The following EPB41L2 variants were observed in gnomAD, a reference collection of about 807,000 sequenced individuals.
The protein encoded by EPB41L2 is band 4.1-like protein 2.
A neutral mutation model predicts 113.0 loss-of-function variants in EPB41L2; 43 were observed. The observed-to-expected ratio is 0.38, with a 90% confidence interval of 0.30 to 0.49. The LOEUF (loss-of-function observed/expected upper bound fraction) is 0.49, where lower values mean the gene tolerates loss of function less well. Among genes scored for constraint, EPB41L2 ranks in the 20% least tolerant of loss-of-function variants. EPB41L2 has a pLI of 0.95. For synonymous variants in EPB41L2, 442 were observed against 436.7 expected (o/e 1.01, Z -0.15); for missense variants, 1,147 against 1,223.4 (o/e 0.94, Z 0.93).
intron 1 of EPB41L2, among the ~76,000 whole-genome samples, chr6:130,965,516 A>G (rs1160691120): frequency 6.6e-6 from 1 of 152,190 alleles, no homozygotes; most frequent in Non-Finnish European, 1.5e-5. Flanking sequence ...GCCCAATAAA[A>G]CAAGTCTGGT....
chr6:130,871,838 C>T (rs891114325), intron 14 of EPB41L2, among the ~76,000 whole-genome samples: 4 of 152,182 alleles, frequency 2.6e-5, no homozygotes, highest in African/African-American at 9.7e-5. Context: ...TTCTGAAACA[C>T]ACATTTCATT....
chr6:131,023,690 CAGA>C (rs2128742488), intron 1 of EPB41L2, among the ~76,000 whole-genome samples: 1 of 134,776 alleles, frequency 7.4e-6, no homozygotes, highest in Admixed American at 7.5e-5. Flanking sequence ...GTCTCAAAAA[CAGA>C]AGAAGAAAAA....
intron 1 of EPB41L2, among the ~76,000 whole-genome samples, chr6:130,975,132 G>C (rs1299371532): frequency 6.6e-6 from 1 of 152,080 alleles, no homozygotes; most frequent in African/African-American, 2.4e-5. Flanking sequence ...AAATACATTT[G>C]AGTACACAAA....
At chr6:131,061,869 G>A (rs1299837373) in intron 1 of EPB41L2, among the ~76,000 whole-genome samples, 1 of 152,116 alleles carries the variant, frequency 6.6e-6, no homozygotes, top group Non-Finnish European at 1.5e-5. Context: ...GGAAAACCGC[G>A]AAAGTCGTTT....
chr6:130,848,391 C>CAAAAAAT (rs2128404585), intron 19 of EPB41L2, among the ~76,000 whole-genome samples: 1 of 151,642 alleles, frequency 6.6e-6, no homozygotes, highest in East Asian at 1.9e-4. Flanking sequence ...AGCCACATTT[C>CAAAAAAT]AAAAAATAAA....
chr6:130,952,972 G>A (rs1283535932), intron 3 of EPB41L2, among the ~76,000 whole-genome samples: 3 of 149,864 alleles, frequency 2.0e-5, no homozygotes, highest in Non-Finnish European at 4.4e-5. Flanking sequence ...AAACCATAAA[G>A]TACGTTGGTC....
At chr6:130,842,418 ATG>A (rs1775803548) in intron 19 of EPB41L2, among the ~76,000 whole-genome samples, 4 of 152,210 alleles carry the variant, frequency 2.6e-5, no homozygotes, top group Non-Finnish European at 5.9e-5. Context: ...TGGCAGTTAT[ATG>A]ACACCTTCAG....
intron 15 of EPB41L2, chr6:130,867,937 GACACACACAC>G (rs58752395): frequency 5.6e-5 from 10 of 179,164 alleles, no homozygotes; most frequent in African/African-American, 1.3e-4. Context: ...AGTGTATAGT[GACACACACAC>G]ACACACACAC....
At chr6:130,948,477 T>C (rs1813695466) in intron 3 of EPB41L2, among the ~76,000 whole-genome samples, 1 of 152,114 alleles carries the variant, frequency 6.6e-6, no homozygotes, top group Non-Finnish European at 1.5e-5. Flanking sequence ...GTCTGTAATA[T>C]ACTTAATTTC....
intron 3 of EPB41L2, among the ~76,000 whole-genome samples, chr6:130,942,084 G>A (rs73618990): frequency 0.011 from 1,742 of 152,154 alleles, 41 homozygotes; most frequent in African/African-American, 0.04. Flanking sequence ...ATGTTATACC[G>A]CATTCAATCC....
chr6:130,848,744 C>G (rs928139977), intron 19 of EPB41L2, among the ~76,000 whole-genome samples: 20 of 152,166 alleles, frequency 1.3e-4, no homozygotes, highest in African/African-American at 4.6e-4. Flanking sequence ...CACACACATA[C>G]ACAAACTTGT....
intron 4 of EPB41L2, among the ~76,000 whole-genome samples, chr6:130,910,840 G>A (rs1032513629): frequency 6.6e-6 from 1 of 152,234 alleles, no homozygotes; most frequent in Non-Finnish European, 1.5e-5. Context: ...TCTCACGCCA[G>A]TTAGAATGGC....
intron 1 of EPB41L2, among the ~76,000 whole-genome samples, chr6:131,041,845 T>G (rs1163466938): frequency 6.6e-6 from 1 of 152,202 alleles, no homozygotes; most frequent in Non-Finnish European, 1.5e-5. Flanking sequence ...GGATTCTAAC[T>G]TTAACTATAG....
At position 130,872,396 on chromosome 6, in the gene EPB41L2, G is replaced by A. The variant is rs746765169; in HGVS notation, c.2044-2270C>T. The A allele has an allele frequency of 2.9e-5, 37 of 1,289,202 alleles. No individual in the cohort carries two copies. In the South Asian group the frequency reaches 3.8e-4, roughly 13 times the overall value. The allele number at this position is 1,289,202 out of a possible 1,614,324, so 79.9% of individuals were successfully genotyped here. A position where few individuals can be genotyped will look rare whatever the true frequency, so the allele number is the denominator to read the frequency against. The stretch of plus-strand genomic sequence containing the variant: ...CTCAAGCAAGTGTGAGAAGGGCGAG[G>A]AAGAAAGCTTTTCAGAAGGTGCATT... On this transcript the variant is annotated intron_variant, in intron 14 of 19. Transcript: ENST00000337057.
At chr6:131,053,672 G>A (rs1797075455) in intron 1 of EPB41L2, among the ~76,000 whole-genome samples, 2 of 152,042 alleles carry the variant, frequency 1.3e-5, no homozygotes, top group Admixed American at 6.6e-5. Context: ...ACTGCACTTG[G>A]GGCGTGACTG....
At chr6:130,843,063 G>A (rs1366177259) in intron 19 of EPB41L2, among the ~76,000 whole-genome samples, 1 of 152,102 alleles carries the variant, frequency 6.6e-6, no homozygotes, top group Non-Finnish European at 1.5e-5. Context: ...GTTCCTTATT[G>A]GCGTGGATGA....
At chr6:130,926,571 C>A in intron 4 of EPB41L2, 34 bp downstream of exon 4, 2 of 1,447,104 alleles carry the variant, frequency 1.4e-6, no homozygotes, top group South Asian at 1.2e-5. Flanking sequence ...ACAATATGTT[C>A]TAAAAAGATA....
chr6:130,960,247 G>A (rs1030237068), intron 1 of EPB41L2, among the ~76,000 whole-genome samples: 76 of 152,132 alleles, frequency 5.0e-4, no homozygotes, highest in African/African-American at 1.8e-3. Context: ...CCTTGGCCTA[G>A]TACTCAAAGA....
At chr6:130,941,337 TA>T (rs1810809915) in intron 3 of EPB41L2, among the ~76,000 whole-genome samples, 1 of 152,208 alleles carries the variant, frequency 6.6e-6, no homozygotes, top group African/African-American at 2.4e-5. Context: ...TAATCTCTTT[TA>T]AAAGACGGAG....
Sources: gnomAD v4.1 joint callset for allele counts (sites outside exome capture counted in the v4.1 genomes callset) on GRCh38, gnomAD v4.1.1 for gene constraint, MANE v1.5 for transcripts, NCBI Gene and HGNC (gene_info 2026-07-23, HGNC 2026-07-21) for gene names.